CTNNA2: variants seen among roughly 807,000 people sequenced by gnomAD.
The protein encoded by CTNNA2 is catenin alpha-2.
Under a neutral mutation model 101.0 loss-of-function variants are expected in CTNNA2, and 42 were observed. The observed-to-expected ratio is 0.42, with a 90% CI of 0.32 to 0.54. The LOEUF is 0.54. Among genes scored for constraint, CTNNA2 ranks in the 20% least tolerant of loss-of-function variants. The pLI, the probability that CTNNA2 is intolerant of heterozygous loss-of-function variation, is 0.14. For missense variants in CTNNA2, 871 were observed against 1,223.1 expected, an observed-to-expected ratio of 0.71 and a Z score of 4.29; for synonymous variants, 450 against 456.4, an observed-to-expected ratio of 0.99 and a Z score of 0.18.
rs756444245 is a variant in CTNNA2 at position 79,425,270 on chromosome 2, G to A, written c.-135+51257G>A. On this transcript the variant is annotated intron_variant, in intron 4 of 21. Coordinates refer to the CTNNA2 transcript ENST00000466387. ...AACCAGTAGGGAGTCACAGAAGACC[G>A]GTTCCTGCATGGACATGTGTGCACA... is the stretch of plus-strand genomic sequence containing the variant. Among the ~76,000 whole-genome samples the A allele has an allele frequency of 4.6e-5, 7 of 152,220 alleles. No individual in the cohort carries two copies. In the East Asian group the frequency reaches 5.8e-4, roughly 13 times the overall value.
At chr2:79,776,207 A>G (rs1012207286) in intron 3 of CTNNA2, among the ~76,000 whole-genome samples, 1 of 152,132 alleles carries the variant, frequency 6.6e-6, no homozygotes, top group African/African-American at 2.4e-5. Context: ...GCTTTTGTTT[A>G]TGTTGTTTGT....
At chr2:79,311,233 C>T (rs1235558096) in intron 2 of CTNNA2, among the ~76,000 whole-genome samples, 1 of 151,876 alleles carries the variant, frequency 6.6e-6, no homozygotes, top group Non-Finnish European at 1.5e-5. Flanking sequence ...CACGGTGAAG[C>T]CCCGTCTCTA....
chr2:80,362,334 A>G (rs1674491180), intron 7 of CTNNA2, among the ~76,000 whole-genome samples: 1 of 152,158 alleles, frequency 6.6e-6, no homozygotes, highest in Non-Finnish European at 1.5e-5. Context: ...CAAGTTTTCT[A>G]AAGCAAGAAA....
At chr2:79,817,664 C>T (rs2105365325) in intron 3 of CTNNA2, among the ~76,000 whole-genome samples, 1 of 152,274 alleles carries the variant, frequency 6.6e-6, no homozygotes, top group African/African-American at 2.4e-5. Flanking sequence ...GGGTCTTGCG[C>T]CAAGGGCAAA....
chr2:80,647,534 A>C, intron 18 of CTNNA2, 51 bp from the exon 19 acceptor site: 3 of 1,430,664 alleles, frequency 2.1e-6, no homozygotes, highest in South Asian at 1.4e-5. Flanking sequence ...CCATTTTGTG[A>C]ATTTGGGGCC....
intron 18 of CTNNA2, among the ~76,000 whole-genome samples, chr2:80,630,117 G>T (rs1411559905): frequency 1.3e-5 from 2 of 152,000 alleles, no homozygotes; most frequent in Admixed American, 1.3e-4. Context: ...CTACCTCTTT[G>T]CCTGGTTATC....
intron 6 of CTNNA2, among the ~76,000 whole-genome samples, chr2:79,875,593 G>C (rs1682958039): frequency 6.6e-6 from 1 of 152,184 alleles, no homozygotes; most frequent in African/African-American, 2.4e-5. Context: ...TCAAGGCTTG[G>C]AGATGGATGA....
At chr2:80,052,341 C>T (rs1246311918) in intron 7 of CTNNA2, among the ~76,000 whole-genome samples, 1 of 152,156 alleles carries the variant, frequency 6.6e-6, no homozygotes, top group African/African-American at 2.4e-5. Context: ...GAACACATGG[C>T]TTGCCCAGCC....
At chr2:80,541,744 T>A (rs1281941229) in intron 9 of CTNNA2, among the ~76,000 whole-genome samples, 1 of 151,656 alleles carries the variant, frequency 6.6e-6, no homozygotes, top group East Asian at 1.9e-4. Context: ...CTCAGGTAGG[T>A]ACCCTCTACT....
intron 18 of CTNNA2, among the ~76,000 whole-genome samples, chr2:80,635,243 C>T (rs556616712): frequency 2.1e-4 from 32 of 151,648 alleles, no homozygotes; most frequent in Middle Eastern, 3.4e-3. Flanking sequence ...AAAGCAGTGA[C>T]CAGGAAAAAA....
chr2:80,139,372 A>T (rs1338258522), intron 7 of CTNNA2, among the ~76,000 whole-genome samples: 1 of 152,110 alleles, frequency 6.6e-6, no homozygotes, highest in Non-Finnish European at 1.5e-5. Flanking sequence ...GGAGAGTTTC[A>T]AGGATGTTGC....
At chr2:80,263,761 A>G (rs1380939368) in intron 7 of CTNNA2, among the ~76,000 whole-genome samples, 2 of 152,246 alleles carry the variant, frequency 1.3e-5, no homozygotes, top group African/African-American at 4.8e-5. Flanking sequence ...TTATTATCAT[A>G]GAAGTTTCTA....
chr2:80,056,974 G>T (rs1697253640), intron 7 of CTNNA2, among the ~76,000 whole-genome samples: 1 of 152,154 alleles, frequency 6.6e-6, no homozygotes, highest in Non-Finnish European at 1.5e-5. Context: ...TCCTCTTGTG[G>T]TTAGTTGTAT....
At chr2:80,242,548 T>G (rs1671021106) in intron 7 of CTNNA2, among the ~76,000 whole-genome samples, 1 of 152,212 alleles carries the variant, frequency 6.6e-6, no homozygotes, top group Non-Finnish European at 1.5e-5. Flanking sequence ...TAGCCTGGCA[T>G]TGCTGGCTTT....
chr2:80,587,902 G>A (rs216629), intron 14 of CTNNA2, among the ~76,000 whole-genome samples: 4,266 of 152,208 alleles, frequency 0.028, 97 homozygotes, highest in Middle Eastern at 0.054. Context: ...CATTTCATTC[G>A]GGGCTTGCTA....
chr2:80,372,409 T>C (rs566263917), intron 7 of CTNNA2, among the ~76,000 whole-genome samples: 96 of 148,978 alleles, frequency 6.4e-4, no homozygotes, highest in African/African-American at 2.3e-3. Context: ...TTAGCCCTCA[T>C]GTAGCAAAGG....
intron 7 of CTNNA2, among the ~76,000 whole-genome samples, chr2:80,309,134 A>G (rs1677300010): frequency 6.6e-6 from 1 of 152,088 alleles, no homozygotes; most frequent in Non-Finnish European, 1.5e-5. Context: ...AGAGAAAGAA[A>G]AGAAAGAAAT....
At chr2:80,278,811 T>TA (rs1329084246) in intron 7 of CTNNA2, among the ~76,000 whole-genome samples, 3 of 151,634 alleles carry the variant, frequency 2.0e-5, no homozygotes, top group Non-Finnish European at 2.9e-5. Flanking sequence ...TACTAAAAAT[T>TA]AAAAAAATAT....
chr2:79,495,120 A>AAAAC (rs576658882), intron 4 of CTNNA2, among the ~76,000 whole-genome samples: 1 of 152,128 alleles, frequency 6.6e-6, no homozygotes, highest in South Asian at 2.1e-4. Flanking sequence ...AACAAAACAA[A>AAAAC]AAACAAACAA....
Sources: allele counts gnomAD v4.1 joint callset (sites outside exome capture counted in the v4.1 genomes callset), GRCh38; gene constraint gnomAD v4.1.1; transcripts MANE v1.5; gene names NCBI Gene and HGNC (gene_info 2026-07-23, HGNC 2026-07-21).